The following HDDC2 variants were observed in gnomAD, a reference collection of about 807,000 sequenced individuals.
HDDC2 encodes HD domain containing 2.
HDDC2 carries 25 observed loss-of-function variants against 25.5 expected under a neutral mutation model. The ratio of observed to expected loss-of-function variants is 0.98; its 90% CI spans 0.72 to 1.37. HDDC2 has a LOEUF of 1.37. Among genes scored for constraint, HDDC2 ranks in the 40% most tolerant of loss-of-function variants. The pLI, the probability that HDDC2 is intolerant of heterozygous loss-of-function variation, is 0.00. For missense variants in HDDC2, 264 were observed against 253.1 expected (o/e 1.04, Z -0.29); for synonymous variants, 106 against 89.7 (o/e 1.18, Z -1.03).
At chr6:125,289,992 G>A (rs1047482507) in intron 4 of HDDC2, among the ~76,000 whole-genome samples, 26 of 152,178 alleles carry the variant, frequency 1.7e-4, no homozygotes, top group Admixed American at 1.5e-3. Flanking sequence ...CACTTTTTAT[G>A]ATAAAAGATA....
At chr6:125,286,013 T>A (rs911068729) in intron 4 of HDDC2, among the ~76,000 whole-genome samples, 4 of 152,252 alleles carry the variant, frequency 2.6e-5, no homozygotes, top group East Asian at 3.9e-4. Flanking sequence ...ATATAAATAA[T>A]CTGATTTAAG....
chr6:125,290,338 T>C (rs139412863), intron 4 of HDDC2, among the ~76,000 whole-genome samples: 131 of 152,318 alleles, frequency 8.6e-4, no homozygotes, highest in African/African-American at 2.9e-3. Flanking sequence ...GAGAGATTAA[T>C]TGCTCAAGAT....
At chr6:125,283,462 G>T (rs947717957) in intron 4 of HDDC2, among the ~76,000 whole-genome samples, 2 of 152,204 alleles carry the variant, frequency 1.3e-5, no homozygotes, top group Non-Finnish European at 2.9e-5. Context: ...AGCAACTTCA[G>T]CAAAGCCTCA....
intron 4 of HDDC2, among the ~76,000 whole-genome samples, chr6:125,286,174 C>T (rs2115106675): frequency 6.6e-6 from 1 of 152,184 alleles, no homozygotes. Flanking sequence ...GGCAACAAGT[C>T]TCAGAAAAAC....
intron 4 of HDDC2, among the ~76,000 whole-genome samples, chr6:125,280,924 C>G (rs1349647112): frequency 1.3e-5 from 2 of 152,234 alleles, no homozygotes; most frequent in South Asian, 4.1e-4. Flanking sequence ...CACCTCCCAG[C>G]AGGGGTCGAC....
chr6:125,291,462 C>T (rs141111919), intron 4 of HDDC2, among the ~76,000 whole-genome samples: 21 of 152,282 alleles, frequency 1.4e-4, no homozygotes, highest in African/African-American at 5.1e-4. Context: ...TGGGACAGCA[C>T]TCAGTTGCCG....
intron 4 of HDDC2, among the ~76,000 whole-genome samples, chr6:125,282,271 G>A (rs143590577): frequency 6.9e-4 from 105 of 151,780 alleles, no homozygotes; most frequent in Admixed American, 5.4e-3. Flanking sequence ...GCTGGAACCC[G>A]GGAAGCGGAG....
chr6:125,281,985 G>A (rs933219399), intron 4 of HDDC2, among the ~76,000 whole-genome samples: 5 of 152,194 alleles, frequency 3.3e-5, no homozygotes, highest in African/African-American at 1.2e-4. Flanking sequence ...AAGCCCATCA[G>A]ACTAACAGCA....
chr6:125,284,048 AC>A lies in HDDC2; in HGVS notation c.379-6809del, dbSNP rs556975853. On this transcript the variant is annotated intron_variant, in intron 4 of 5. Coordinates refer to ENST00000398153, the MANE Select transcript of HDDC2 (RefSeq NM_016063.3). The stretch of plus-strand genomic sequence containing the variant: ...AACCATCTGATCTTTGACAAACCTG[AC>A]AAAAAACAAGAAATGGGGAAAGGAT... Among the ~76,000 whole-genome samples the A allele has an allele frequency of 4.6e-4, 70 of 152,344 alleles. No homozygotes were observed. The South Asian group carries it at 0.014, about 31-fold the overall frequency.
chr6:125,291,951 C>A (rs939683995), intron 4 of HDDC2, among the ~76,000 whole-genome samples: 1 of 152,120 alleles, frequency 6.6e-6, no homozygotes, highest in Non-Finnish European at 1.5e-5. Context: ...CAAGGGACAA[C>A]CTGACCCAGC....
At chr6:125,296,950 A>C (rs1225747591) in intron 3 of HDDC2, among the ~76,000 whole-genome samples, 1 of 152,130 alleles carries the variant, frequency 6.6e-6, no homozygotes, top group Non-Finnish European at 1.5e-5. Flanking sequence ...TCCTCTGCGG[A>C]GTGAATCTCA....
intron 3 of HDDC2, among the ~76,000 whole-genome samples, chr6:125,294,980 G>A (rs1307372646): frequency 6.6e-6 from 1 of 152,216 alleles, no homozygotes; most frequent in African/African-American, 2.4e-5. Context: ...TAGGCTGATT[G>A]ATATTTGTTA....
intron 5 of HDDC2, 53 bp from the exon 6 acceptor site, chr6:125,276,296 T>G (rs1296833181): frequency 1.0e-5 from 14 of 1,333,750 alleles, no homozygotes; most frequent in Admixed American, 1.7e-5. Flanking sequence ...CAAGAGAGTA[T>G]ATTCATTTCC....
chr6:125,297,944 C>T (rs959398310), intron 3 of HDDC2, among the ~76,000 whole-genome samples: 2 of 152,100 alleles, frequency 1.3e-5, no homozygotes, highest in South Asian at 4.1e-4. Context: ...CCTTCAACCC[C>T]TAAGTTAAAG....
At chr6:125,299,175 G>T (rs1005721600) in intron 2 of HDDC2, among the ~76,000 whole-genome samples, 1 of 152,208 alleles carries the variant, frequency 6.6e-6, no homozygotes, top group African/African-American at 2.4e-5. Context: ...CCTGAGGTCA[G>T]GAGTTCGAGA....
intron 3 of HDDC2, among the ~76,000 whole-genome samples, chr6:125,297,941 C>T (rs1033466043): frequency 6.6e-6 from 1 of 152,128 alleles, no homozygotes; most frequent in African/African-American, 2.4e-5. Context: ...TTACCTTCAA[C>T]CCCTAAGTTA....
chr6:125,292,753 G>T, intron 4 of HDDC2, 88 bp downstream of exon 4: 3 of 1,008,102 alleles, frequency 3.0e-6, no homozygotes, highest in South Asian at 1.3e-5. Context: ...GGGACCGCTT[G>T]TTAAGATCAT....
At chr6:125,282,322 G>A (rs527766052) in intron 4 of HDDC2, among the ~76,000 whole-genome samples, 6 of 150,444 alleles carry the variant, frequency 4.0e-5, no homozygotes, top group South Asian at 4.2e-4. Flanking sequence ...CTCCAGCCCA[G>A]GCCAATAACA....
chr6:125,285,502 A>T (rs1562439971), intron 4 of HDDC2, among the ~76,000 whole-genome samples: 1 of 152,180 alleles, frequency 6.6e-6, no homozygotes, highest in Non-Finnish European at 1.5e-5. Context: ...TTGAGCAGAA[A>T]TGAAGATGAT....
Sources: allele counts gnomAD v4.1 joint callset (sites outside exome capture counted in the v4.1 genomes callset), GRCh38; gene constraint gnomAD v4.1.1; transcripts MANE v1.5; gene names NCBI Gene and HGNC (gene_info 2026-07-23, HGNC 2026-07-21).